KCNJ13: variants seen among roughly 807,000 people sequenced by gnomAD.
KCNJ13 encodes the protein inward rectifier potassium channel 13.
In KCNJ13, 9 loss-of-function variants were observed where a neutral mutation model predicts 24.6. The ratio of observed to expected loss-of-function variants is 0.37; its 90% CI spans 0.22 to 0.64. The LOEUF (loss-of-function observed/expected upper bound fraction) is 0.64, where lower values mean the gene tolerates loss of function less well. KCNJ13 is among the 30% of genes least tolerant of loss of function. The pLI, the probability that KCNJ13 is intolerant of heterozygous loss-of-function variation, is 0.64. For missense variants in KCNJ13, 337 were observed against 443.8 expected (o/e 0.76, Z 2.16); for synonymous variants, 148 against 154.7 (o/e 0.96, Z 0.32).
At position 232,772,794 on chromosome 2, in the gene KCNJ13, TC is replaced by T. The variant is rs1699323001; in HGVS notation, c.-16-1417del. On this transcript the variant is annotated intron_variant, in intron 1 of 2. Coordinates refer to ENST00000233826, the MANE Select transcript of KCNJ13 (RefSeq NM_002242.4). ...CCCTTGAGAGTGCTGCATACCCACT[TC>T]CTGCCTTTTAATGGGGCTTGAGAAG... Among the ~76,000 whole-genome samples, 3 of 152,296 alleles carry T rather than the reference TC, an allele frequency of 2.0e-5. No homozygotes were observed. In the South Asian group the frequency reaches 6.2e-4, roughly 32 times the overall value.
At chr2:232,770,800 G>A in intron 2 of KCNJ13, 103 bp downstream of exon 2, 1 of 782,980 alleles carries the variant, frequency 1.3e-6, no homozygotes, top group Non-Finnish European at 2.1e-6. Context: ...AAATTATTCT[G>A]TAACAGCATT....
intron 1 of KCNJ13, among the ~76,000 whole-genome samples, chr2:232,773,640 T>C (rs1699374773): frequency 6.6e-6 from 1 of 152,138 alleles, no homozygotes; most frequent in South Asian, 2.1e-4. Context: ...TTGTTAACTT[T>C]GTTCATGATT....
chr2:232,772,399 A>C (rs1699303885), intron 1 of KCNJ13, among the ~76,000 whole-genome samples: 1 of 152,228 alleles, frequency 6.6e-6, no homozygotes, highest in Non-Finnish European at 1.5e-5. Flanking sequence ...ATTTCTGGAT[A>C]GCATTAGCTT....
At chr2:232,771,502 C>T (rs1699244543) in intron 1 of KCNJ13, 124 bp from the exon 2 acceptor site, 1 of 590,930 alleles carries the variant, frequency 1.7e-6, no homozygotes, top group Admixed American at 3.1e-5. Context: ...TGCCAACTCT[C>T]TCGCTTTTCT....
In KCNJ13 at chr2:232,768,509, A is replaced by T; in HGVS notation, c.765T>A (p.Thr255=). ...GAGAAGGATTTTCATGCTGGAGCAG[A>T]GTAGCCAGAGGACTTGATGGTGTAA... ...HSITPSSPLA[T]LLQHENPSHF... Residue 255 remains threonine (T), a synonymous_variant, in exon 3 of 3, where the codon ACT becomes ACA. Transcript: ENST00000233826. 1.9e-6 allele frequency: 3 copies of T among 1,614,178 alleles called. No homozygotes were observed. The Admixed American group carries it at 5.0e-5, about 27-fold the overall frequency.
chr2:232,770,780 C>T, intron 2 of KCNJ13, 123 bp downstream of exon 2: 1 of 706,648 alleles, frequency 1.4e-6, no homozygotes. Flanking sequence ...TACCTGCTAT[C>T]AATATAGATA....
At chr2:232,769,358 C>T (rs972871872) in intron 2 of KCNJ13, among the ~76,000 whole-genome samples, 2 of 151,946 alleles carry the variant, frequency 1.3e-5, no homozygotes. Flanking sequence ...TCATGAAACC[C>T]CGTCTCTACT....
Position 232,770,983 on chromosome 2 carries a change from G to A in KCNJ13, c.380C>T (p.Pro127Leu). ...GATTGCACTTGGACAGTCACCACTG[G>A]GGAACATGGTACCATAACCAATTGT... ...QLTIGYGTMF[P>L]SGDCPSAIAL... Residue 127 changes from proline (P) to leucine (L), a missense_variant, in exon 2 of 3, where the codon CCC (proline) becomes CTC (leucine). By Grantham distance (98) the Pro-to-Leu change is moderately conservative (BLOSUM62 -3). Transcript: ENST00000233826. 1 of 1,614,016 alleles carries A rather than the reference G, an allele frequency of 6.2e-7. No homozygotes were observed.
chr2:232,775,399 A>G (rs956654598), intron 1 of KCNJ13, among the ~76,000 whole-genome samples: 2 of 152,220 alleles, frequency 1.3e-5, no homozygotes, highest in African/African-American at 4.8e-5. Flanking sequence ...ACTTATGTAA[A>G]CAAACATATT....
intron 1 of KCNJ13, among the ~76,000 whole-genome samples, chr2:232,774,625 C>A (rs1273093967): frequency 6.6e-6 from 1 of 152,114 alleles, no homozygotes; most frequent in Non-Finnish European, 1.5e-5. Context: ...TAGTTGGTTG[C>A]CTTCAAAATG....
At position 232,767,471 on chromosome 2, in the gene KCNJ13, G is replaced by C. The variant is rs755200945; in HGVS notation, c.*720C>G. Reference sequence around the variant, plus strand: ...GGACAGTTTTAAAATAAAATTTTGCGTCTCCTTGCAATGCAAAATACCACC... The same window carrying C: ...GGACAGTTTTAAAATAAAATTTTGCCTCTCCTTGCAATGCAAAATACCACC... On this transcript the variant is annotated 3_prime_UTR_variant, in exon 3 of 3. Transcript: ENST00000233826. The C allele has an allele frequency of 6.6e-6, 1 of 152,486 alleles. No homozygotes were observed. The highest frequency in any genetic ancestry group is 1.5e-5 in the Non-Finnish European group (1 of 68,022). The allele number at this position is 152,486 out of a possible 1,614,324, so 9.4% of individuals were successfully genotyped here. A position where few individuals can be genotyped will look rare whatever the true frequency, so the allele number is the denominator to read the frequency against.
At chr2:232,771,421 G>T in intron 1 of KCNJ13, 43 bp from the exon 2 acceptor site, 1 of 1,280,966 alleles carries the variant, frequency 7.8e-7, no homozygotes, top group Non-Finnish European at 1.1e-6. Flanking sequence ...CTGTTTTATA[G>T]TTAATGTTTG....
rs538012673 is a variant in KCNJ13, at chr2:232,767,815, C to T, written c.*376G>A. 3.9e-6 allele frequency: 1 copy of T among 259,150 alleles called. No homozygotes were observed. Among genetic ancestry groups the T allele is most frequent in the Non-Finnish European group, 7.5e-6 (1 of 133,126 alleles). The allele number at this position is 259,150 out of a possible 1,614,324, so 16.1% of individuals were successfully genotyped here. A position where few individuals can be genotyped will look rare whatever the true frequency, so the allele number is the denominator to read the frequency against. ...AGCTAGGTTTGAAACTAAACTGTTGCTTCAATTTGCAGATGAAAATGAGAG... is the reference window on the plus strand; with the variant it reads ...AGCTAGGTTTGAAACTAAACTGTTGTTTCAATTTGCAGATGAAAATGAGAG... On this transcript the variant is annotated 3_prime_UTR_variant, in exon 3 of 3. Coordinates refer to ENST00000233826, the MANE Select transcript of KCNJ13 (RefSeq NM_002242.4).
At position 232,767,846 on chromosome 2, in the gene KCNJ13, T is replaced by G; in HGVS notation, c.*345A>C. On this transcript the variant is annotated 3_prime_UTR_variant, in exon 3 of 3. Transcript: ENST00000233826. The stretch of plus-strand genomic sequence containing the variant: ...TTTGCAGATGAAAATGAGAGATTAA[T>G]GGTTGATTTTCTTAGAGTTCAGTTG... 1 of 275,734 alleles carries G rather than the reference T, an allele frequency of 3.6e-6. No homozygotes were observed. Among genetic ancestry groups the G allele is most frequent in the East Asian group, 9.8e-5 (1 of 10,194 alleles). 17.1% of individuals were successfully genotyped at this position (275,734 alleles called of 1,614,324 possible).
At position 232,768,811 on chromosome 2, in the gene KCNJ13, C is replaced by T. The variant is rs1574857117; in HGVS notation, c.463G>A (p.Ala155Thr). The change falls in exon 3 of 3, where the codon GCT becomes ACT. Residue 155 changes from alanine (A) to threonine (T), a missense_variant and splice_region_variant. Coordinates refer to ENST00000233826, the MANE Select transcript of KCNJ13 (RefSeq NM_002242.4). ...GLMLEAFITG[A>T]FVAKIARPKN... is the part of the protein sequence containing the mutation. ...GGCCGGGCAATCTTCGCCACAAAAG[C>T]ACCTAAATAAGAAATTATTGATTTT... is the stretch of plus-strand genomic sequence containing the variant. The T allele has an allele frequency of 6.2e-7, 1 of 1,602,138 alleles. No homozygotes were observed. Among genetic ancestry groups the T allele is most frequent in the Non-Finnish European group, 8.5e-7 (1 of 1,172,646 alleles).
At chr2:232,775,429 A>T (rs1375103983) in intron 1 of KCNJ13, among the ~76,000 whole-genome samples, 1 of 152,228 alleles carries the variant, frequency 6.6e-6, no homozygotes, top group Non-Finnish European at 1.5e-5. Context: ...TACAAAGGAT[A>T]CAAGTTTCCT....
chr2:232,774,614 A>T lies in KCNJ13; in HGVS notation c.-17+1831T>A, dbSNP rs986426361. Reference sequence around the variant, plus strand: ...GGAAGAAGGATATAACAATGAAAGGATAGTTGGTTGCCTTCAAAATGGTGG... The same window carrying T: ...GGAAGAAGGATATAACAATGAAAGGTTAGTTGGTTGCCTTCAAAATGGTGG... On this transcript the variant is annotated intron_variant, in intron 1 of 2. Transcript: ENST00000233826. 5.9e-5 allele frequency among the ~76,000 whole-genome samples: 9 copies of T among 152,178 alleles called. No individual in the cohort carries two copies. In the East Asian group the frequency reaches 1.7e-3, roughly 29 times the overall value.
chr2:232,768,386 A>T lies in KCNJ13; in HGVS notation c.888T>A (p.His296Gln), dbSNP rs1356847109. ...TSYLPSEIML[H>Q]HCFASLLTRG... ...GGGTCAACAGAGATGCAAAACAGTGATGTAACATGATTTCAGACGGTAGGT... is the reference window on the plus strand; with the variant it reads ...GGGTCAACAGAGATGCAAAACAGTGTTGTAACATGATTTCAGACGGTAGGT... The change falls in exon 3 of 3, where the codon CAT (histidine) becomes CAA (glutamine). Residue 296 changes from histidine (H) to glutamine (Q), a missense_variant. Coordinates refer to ENST00000233826, the MANE Select transcript of KCNJ13 (RefSeq NM_002242.4). 1.2e-6 allele frequency: 2 copies of T among 1,614,050 alleles called. No homozygotes were observed. Among genetic ancestry groups the T allele is most frequent in the Non-Finnish European group, 1.7e-6 (2 of 1,180,018 alleles).
At position 232,768,484 on chromosome 2, in the gene KCNJ13, G is replaced by A. The variant is rs1553611175; in HGVS notation, c.790C>T (p.His264Tyr). The change falls in exon 3 of 3, where the codon CAC becomes TAC. Residue 264 changes from histidine (H) to tyrosine (Y), a missense_variant. His to Tyr is a moderately conservative substitution (Grantham distance 83). Coordinates refer to ENST00000233826, the MANE Select transcript of KCNJ13 (RefSeq NM_002242.4). ...ATLLQHENPS[H>Y]FELVVFLSAM... The stretch of plus-strand genomic sequence containing the variant: ...GAAAGGAATACAACTAATTCAAAGT[G>A]AGAAGGATTTTCATGCTGGAGCAGA... The A allele has an allele frequency of 6.2e-7, 1 of 1,614,188 alleles. No homozygotes were observed. Among genetic ancestry groups the A allele is most frequent in the Non-Finnish European group, 8.5e-7 (1 of 1,180,016 alleles).
Sources: allele counts gnomAD v4.1 joint callset (sites outside exome capture counted in the v4.1 genomes callset), GRCh38; gene constraint gnomAD v4.1.1; transcripts MANE v1.5; gene names NCBI Gene and HGNC (gene_info 2026-07-23, HGNC 2026-07-21).